GPHN: variants seen among roughly 807,000 people sequenced by gnomAD.
GPHN encodes the protein gephyrin.
GPHN carries 17 observed loss-of-function variants against 95.5 expected under a neutral mutation model. The ratio of observed to expected loss-of-function variants is 0.18; its 90% CI spans 0.12 to 0.27. The LOEUF (loss-of-function observed/expected upper bound fraction) is 0.27. Among genes scored for constraint, GPHN ranks in the 10% least tolerant of loss-of-function variants. The pLI is 1.00. For missense variants in GPHN, 660 were observed against 978.1 expected (o/e 0.67, Z 4.34); for synonymous variants, 320 against 322.5 (o/e 0.99, Z 0.08).
chr14:67,635,377 C>A, the GPHN span, among the ~76,000 whole-genome samples: 10 of 152,296 alleles, frequency 6.6e-5, no homozygotes, highest in African/African-American at 2.2e-4. Flanking sequence ...AAGGTTATTA[C>A]CCAAATTACA....
the GPHN span, among the ~76,000 whole-genome samples, chr14:67,236,272 T>C: frequency 6.6e-6 from 1 of 152,206 alleles, no homozygotes; most frequent in African/African-American, 2.4e-5. Flanking sequence ...AAGCCATGTA[T>C]AAGATCCTGA....
At chr14:67,464,366 C>T in the GPHN span, among the ~76,000 whole-genome samples, 2 of 152,010 alleles carry the variant, frequency 1.3e-5, no homozygotes, top group Admixed American at 6.6e-5. Flanking sequence ...CTGGGTGAGG[C>T]CCCACAGGTC....
the GPHN span, among the ~76,000 whole-genome samples, chr14:67,341,623 G>A: frequency 1.3e-4 from 20 of 149,824 alleles, no homozygotes; most frequent in African/African-American, 3.4e-4. Context: ...GCCTCTGCCC[G>A]GCCACCCCTA....
chr14:66,700,294 T>G (rs187320228), intron 2 of GPHN, among the ~76,000 whole-genome samples: 2 of 152,170 alleles, frequency 1.3e-5, no homozygotes, highest in African/African-American at 2.4e-5. Context: ...ACTAGAAATT[T>G]AACGAATATT....
the GPHN span, among the ~76,000 whole-genome samples, chr14:67,671,100 C>G: frequency 3.3e-5 from 5 of 152,136 alleles, no homozygotes; most frequent in Non-Finnish European, 7.3e-5. Flanking sequence ...ATTTATTCAA[C>G]AAACATTTAT....
the GPHN span, chr14:67,581,778 A>C: frequency 1.5e-4 from 51 of 351,014 alleles, no homozygotes; most frequent in South Asian, 1.6e-3. Context: ...TACCTCATCC[A>C]GTCCCCTAAT....
chr14:67,221,875 A>G, the GPHN span: 11 of 1,585,670 alleles, frequency 6.9e-6, no homozygotes, highest in African/African-American at 9.4e-5. Context: ...TCTGGTTCCT[A>G]GAAGAGTAGT....
chr14:67,143,163 C>T (rs1204978944), intron 17 of GPHN, 199 bp from the exon 18 acceptor site: 2 of 537,138 alleles, frequency 3.7e-6, no homozygotes, highest in East Asian at 6.8e-5. Flanking sequence ...ACTACTTCAG[C>T]ATGTACAAGG....
At chr14:67,673,339 G>A in the GPHN span, among the ~76,000 whole-genome samples, 6 of 151,312 alleles carry the variant, frequency 4.0e-5, no homozygotes, top group African/African-American at 1.5e-4. Context: ...GTGAGACCCT[G>A]TCTCAAAAAA....
At chr14:67,247,645 A>G in the GPHN span, among the ~76,000 whole-genome samples, 1 of 151,980 alleles carries the variant, frequency 6.6e-6, no homozygotes, top group Non-Finnish European at 1.5e-5. Flanking sequence ...GTGGCGCAGC[A>G]CTGCTCACGG....
chr14:66,936,872 A>T, intron 8 of GPHN, among the ~76,000 whole-genome samples: 1 of 152,366 alleles, frequency 6.6e-6, no homozygotes, highest in East Asian at 1.9e-4. Flanking sequence ...ATTTCTATGG[A>T]CAGGAATCAT....
chr14:66,981,666 A>T (rs1027135115), intron 9 of GPHN, among the ~76,000 whole-genome samples: 1 of 152,162 alleles, frequency 6.6e-6, no homozygotes, highest in African/African-American at 2.4e-5. Flanking sequence ...ATAGTTCTGA[A>T]GGTAAACTAG....
intron 10 of GPHN, among the ~76,000 whole-genome samples, chr14:67,029,870 T>C (rs955710869): frequency 6.6e-6 from 1 of 152,182 alleles, no homozygotes; most frequent in Non-Finnish European, 1.5e-5. Context: ...ATGTCAAGCT[T>C]GGGTACCTTT....
chr14:67,011,360 T>C (rs1169692884), intron 9 of GPHN, among the ~76,000 whole-genome samples: 1 of 149,306 alleles, frequency 6.7e-6, no homozygotes, highest in Non-Finnish European at 1.5e-5. Context: ...ATCACTTGAG[T>C]CCAAGAGTTT....
chr14:67,238,834 G>A, the GPHN span, among the ~76,000 whole-genome samples: 1 of 151,834 alleles, frequency 6.6e-6, no homozygotes, highest in Non-Finnish European at 1.5e-5. Context: ...GTAGAGATGG[G>A]TTTTTGCCAT....
chr14:67,194,583 G>A, the GPHN span, among the ~76,000 whole-genome samples: 2 of 152,146 alleles, frequency 1.3e-5, no homozygotes, highest in Admixed American at 6.5e-5. Context: ...TTGGCTCACT[G>A]CAACCTCCGC....
In GPHN at chr14:66,548,366, A is replaced by G. The variant is rs28558119; in HGVS notation, c.64+39775A>G. The stretch of plus-strand genomic sequence containing the variant: ...TGGCTAATTTTTGTATTTTTAGTAG[A>G]GATGGGGTTTCACCATGTTGGCCAG... On this transcript the variant is annotated intron_variant, in intron 1 of 22. Coordinates refer to ENST00000478722, the MANE Select transcript of GPHN (RefSeq NM_020806.5). Among the ~76,000 whole-genome samples the G allele has an allele frequency of 9.1e-3, 1,390 of 151,938 alleles. 24 individuals are homozygous for G. Among genetic ancestry groups the G allele is most frequent in the African/African-American group, 0.032 (1,313 of 41,462 alleles).
intron 3 of GPHN, among the ~76,000 whole-genome samples, chr14:66,781,423 G>A (rs1031765568): frequency 1.3e-5 from 2 of 151,978 alleles, no homozygotes; most frequent in African/African-American, 4.8e-5. Flanking sequence ...TGCTATGTGG[G>A]CCAGGCTGGT....
intron 21 of GPHN, among the ~76,000 whole-genome samples, chr14:67,172,112 G>A (rs72717326): frequency 0.048 from 7,294 of 152,120 alleles, 202 homozygotes; most frequent in Middle Eastern, 0.068. Flanking sequence ...TCTTGCTCTG[G>A]GAGCAAGTAG....
Sources: gnomAD v4.1 joint callset for allele counts (sites outside exome capture counted in the v4.1 genomes callset) on GRCh38, gnomAD v4.1.1 for gene constraint, MANE v1.5 for transcripts, NCBI Gene and HGNC (gene_info 2026-07-23, HGNC 2026-07-21) for gene names.